USP3: variants seen among roughly 807,000 people sequenced by gnomAD.
USP3 encodes ubiquitin carboxyl-terminal hydrolase 3.
In USP3, 20 loss-of-function variants were observed where a neutral mutation model predicts 72.3. That is an observed-to-expected ratio of 0.28 (90% CI 0.19 to 0.40). USP3 has a LOEUF of 0.40. Among genes scored for constraint, USP3 ranks in the 10% least tolerant of loss-of-function variants. The pLI, the probability that USP3 is intolerant of heterozygous loss-of-function variation, is 1.00. For synonymous variants in USP3, 222 were observed against 225.3 expected, an observed-to-expected ratio of 0.99 and a Z score of 0.13; for missense variants, 479 against 633.9, an observed-to-expected ratio of 0.76 and a Z score of 2.62.
In USP3 at chr15:63,593,136, T is replaced by G. The variant is rs1387150428; in HGVS notation, c.*2310T>G. The G allele has an allele frequency of 6.6e-6, 1 of 152,226 alleles. No homozygotes were observed. The highest frequency in any genetic ancestry group is 1.5e-5 in the Non-Finnish European group (1 of 68,040). The allele number at this position is 152,226 out of a possible 1,614,324, so 9.4% of individuals were successfully genotyped here. On this transcript the variant is annotated 3_prime_UTR_variant, in exon 15 of 15. Transcript: ENST00000380324. The stretch of plus-strand genomic sequence containing the variant: ...CCATCATGTTTAGGTCTTACAACTT[T>G]GAGTCCTAAAAGATAATAGGGAGAT...
intron 3 of USP3, among the ~76,000 whole-genome samples, chr15:63,549,893 C>T (rs549826488): frequency 1.3e-5 from 2 of 152,286 alleles, no homozygotes; most frequent in Admixed American, 1.3e-4. Flanking sequence ...AAAACTCTTC[C>T]TTGACTCAAG....
Position 63,590,658 on chromosome 15 carries a change from C to A in USP3, c.1398-3C>A. On this transcript the variant is annotated splice_polypyrimidine_tract_variant and splice_region_variant and intron_variant, in intron 14 of 14. Transcript: ENST00000380324. The stretch of plus-strand genomic sequence containing the variant: ...TTTTTCCTTTGGTCTTTTGCCTTTA[C>A]AGGGTTGGTTCTGGACATTACACAG... 1 of 1,555,812 alleles carries A rather than the reference C, an allele frequency of 6.4e-7. No homozygotes were observed. The highest frequency in any genetic ancestry group is 8.7e-7 in the Non-Finnish European group (1 of 1,151,194).
At position 63,529,040 on chromosome 15, in the gene USP3, G is replaced by A. The variant is rs757245831; in HGVS notation, c.92-3607G>A. The A allele has an allele frequency of 7.8e-7, 1 of 1,288,986 alleles. No individual in the cohort carries two copies. Among genetic ancestry groups the A allele is most frequent in the South Asian group, 1.2e-5 (1 of 81,018 alleles). The allele number at this position is 1,288,986 out of a possible 1,614,324, so 79.8% of individuals were successfully genotyped here. ...CTTCAAATGTTTATCTGGTGTGACT[G>A]TATTATGCCCTCAGAGAGTACTGTA... On this transcript the variant is annotated intron_variant, in intron 1 of 14. Coordinates refer to ENST00000380324, the MANE Select transcript of USP3 (RefSeq NM_006537.4). This position sits in a 1 kb window ranked among gnomAD's most constrained non-coding sequence, Gnocchi z 4.2.
Position 63,570,898 on chromosome 15 carries a change from A to G in USP3, c.908+319A>G, listed in dbSNP as rs1267687507. 6.6e-6 allele frequency among the ~76,000 whole-genome samples: 1 copy of G among 152,256 alleles called. No homozygotes were observed. Among genetic ancestry groups the G allele is most frequent in the African/African-American group, 2.4e-5 (1 of 41,464 alleles). On this transcript the variant is annotated intron_variant, in intron 9 of 14. Coordinates refer to ENST00000380324, the MANE Select transcript of USP3 (RefSeq NM_006537.4). The surrounding 1 kb of genome is among the most constrained non-coding windows in gnomAD (Gnocchi z 4.4). ...CCAAATATACTGAATGATAGGCAGGAGACTTAATTTTCATATACCAAAATA... is the reference window on the plus strand; with the variant it reads ...CCAAATATACTGAATGATAGGCAGGGGACTTAATTTTCATATACCAAAATA...
chr15:63,513,379 CTTAT>C (rs2065814401), intron 1 of USP3, among the ~76,000 whole-genome samples: 1 of 151,924 alleles, frequency 6.6e-6, no homozygotes, highest in Non-Finnish European at 1.5e-5. Context: ...TTTATTTTTG[CTTAT>C]TTATTTATTT....
At chr15:63,559,170 C>A (rs933197740) in intron 6 of USP3, among the ~76,000 whole-genome samples, 2 of 152,014 alleles carry the variant, frequency 1.3e-5, no homozygotes, top group Admixed American at 1.3e-4. Flanking sequence ...GAACACTAGG[C>A]ATAAATGGGT....
intron 11 of USP3, among the ~76,000 whole-genome samples, chr15:63,585,721 CTA>C (rs1197732625): frequency 1.3e-5 from 2 of 151,218 alleles, no homozygotes; most frequent in African/African-American, 4.9e-5. Context: ...GGATTTTTTC[CTA>C]TGTTATCTTC....
intron 3 of USP3, among the ~76,000 whole-genome samples, chr15:63,549,786 C>T (rs552236575): frequency 6.6e-6 from 1 of 152,282 alleles, no homozygotes; most frequent in East Asian, 1.9e-4. Flanking sequence ...TTCTAAAAAT[C>T]TATTCCTGGT....
rs139235860 is a variant in USP3 at position 63,593,424 on chromosome 15, G to A, written c.*2598G>A. 7.6e-4 allele frequency: 115 copies of A among 152,272 alleles called. No individual in the cohort carries two copies. Among genetic ancestry groups the A allele is most frequent in the African/African-American group, 2.6e-3 (110 of 41,556 alleles). The allele number at this position is 152,272 out of a possible 1,614,324, so 9.4% of individuals were successfully genotyped here. The stretch of plus-strand genomic sequence containing the variant: ...CTTCGATCTTCAGTCTCTCTGAATG[G>A]GCAGCTGTTAAACAGTAAAGGCCTG... On this transcript the variant is annotated 3_prime_UTR_variant, in exon 15 of 15. Coordinates refer to ENST00000380324, the MANE Select transcript of USP3 (RefSeq NM_006537.4).
intron 3 of USP3, among the ~76,000 whole-genome samples, chr15:63,538,238 A>G (rs1163156400): frequency 6.6e-6 from 1 of 152,190 alleles, no homozygotes; most frequent in Non-Finnish European, 1.5e-5. Flanking sequence ...CTAGTAAATT[A>G]TGATGAACAA....
intron 3 of USP3, among the ~76,000 whole-genome samples, chr15:63,538,793 G>T (rs1371087436): frequency 1.3e-5 from 2 of 152,052 alleles, no homozygotes; most frequent in Non-Finnish European, 2.9e-5. Flanking sequence ...TGACCCGCCT[G>T]CCTCGGCCTC....
rs1008671115 is a variant in USP3, at chr15:63,594,156, G to C, written c.*3330G>C. On this transcript the variant is annotated 3_prime_UTR_variant, in exon 15 of 15. Coordinates refer to ENST00000380324, the MANE Select transcript of USP3 (RefSeq NM_006537.4). ...TTAAAGCCAAACCTCTCCTTCATTG[G>C]TTTAGTGTACATAAGTCTATTTAGA... 1.3e-5 allele frequency: 2 copies of C among 152,238 alleles called. No homozygotes were observed. Among genetic ancestry groups the C allele is most frequent in the Non-Finnish European group, 2.9e-5 (2 of 68,092 alleles). The allele number at this position is 152,238 out of a possible 1,614,324, so 9.4% of individuals were successfully genotyped here.
Position 63,574,128 on chromosome 15 carries a change from T to C in USP3, c.991T>C (p.Ser331Pro). ...TAACTGCCTCATATGTGGGACAGAA[T>C]CTAGAAAGTTTGATCCATTCCTAGG... ...EVNCLICGTE[S>P]RKFDPFLDLS... is the part of the protein sequence containing the mutation. Residue 331 changes from serine (S) to proline (P), a missense_variant, in exon 10 of 15, where the codon TCT becomes CCT. Transcript: ENST00000380324. The surrounding 1 kb of genome is among the most constrained non-coding windows in gnomAD (Gnocchi z 4.6). The C allele has an allele frequency of 1.9e-6, 3 of 1,593,056 alleles. No individual in the cohort carries two copies. Among genetic ancestry groups the C allele is most frequent in the Non-Finnish European group, 2.6e-6 (3 of 1,168,788 alleles).
rs60122671 is a variant in USP3 at position 63,545,970 on chromosome 15, C to CAAAAAA, written c.285-7725_285-7720dup. On this transcript the variant is annotated intron_variant, in intron 3 of 14. Coordinates refer to ENST00000380324, the MANE Select transcript of USP3 (RefSeq NM_006537.4). The stretch of plus-strand genomic sequence containing the variant: ...TGGGTGACAGAGCCAGACCTTGTCT[C>CAAAAAA]AAAAAAAAAAAAAAAAAAAAAAAAA... Among the ~76,000 whole-genome samples, 276 of 68,830 alleles carry CAAAAAA rather than the reference C, an allele frequency of 4.0e-3. 23 individuals carry two copies. Among genetic ancestry groups the CAAAAAA allele is most frequent in the African/African-American group, 0.016 (264 of 16,822 alleles). The allele number at this position is 68,830 out of a possible 152,430, so 45.2% of individuals were successfully genotyped here.
chr15:63,553,433 A>G lies in USP3; in HGVS notation c.285-282A>G. 1 of 236,412 alleles carries G rather than the reference A, an allele frequency of 4.2e-6. No homozygotes were observed. The highest frequency in any genetic ancestry group is 8.1e-6 in the Non-Finnish European group (1 of 123,318). 14.6% of individuals were successfully genotyped at this position (236,412 alleles called of 1,614,324 possible). A position where few individuals can be genotyped will look rare whatever the true frequency, so the allele number is the denominator to read the frequency against. ...CATGTATTAGGCACCACTAAAAAGA[A>G]TGTAACACATGTAGCAGCTTATTTC... On this transcript the variant is annotated intron_variant, in intron 3 of 14. Coordinates refer to ENST00000380324, the MANE Select transcript of USP3 (RefSeq NM_006537.4). The surrounding 1 kb of genome is among the most constrained non-coding windows in gnomAD (Gnocchi z 4.2).
At chr15:63,530,498 A>C in intron 1 of USP3, 1 of 341,276 alleles carries the variant, frequency 2.9e-6, no homozygotes, top group Non-Finnish European at 5.8e-6. Flanking sequence ...TTTTTTGTAG[A>C]GATGGAGTTT....
intron 1 of USP3, among the ~76,000 whole-genome samples, chr15:63,526,882 A>G (rs2065990025): frequency 6.6e-6 from 1 of 152,200 alleles, no homozygotes; most frequent in Non-Finnish European, 1.5e-5. Context: ...AACTTTTGCC[A>G]GTCCTTATGT....
intron 1 of USP3, among the ~76,000 whole-genome samples, chr15:63,506,370 GAAA>G (rs35639661): frequency 6.7e-6 from 1 of 149,362 alleles, no homozygotes; most frequent in African/African-American, 2.4e-5. Flanking sequence ...GAAATTTGAA[GAAA>G]AAAAAAAAGA....
chr15:63,534,941 T>C (rs556163465), intron 2 of USP3, among the ~76,000 whole-genome samples: 23 of 151,638 alleles, frequency 1.5e-4, no homozygotes, highest in South Asian at 2.1e-4. Context: ...TATTTATTTA[T>C]TTACTTATTG....
Sources: gnomAD v4.1 joint callset for allele counts (sites outside exome capture counted in the v4.1 genomes callset) on GRCh38, gnomAD v4.1.1 for gene constraint, Gnocchi (gnomAD v3.1) non-coding constraint, MANE v1.5 for transcripts, NCBI Gene and HGNC (gene_info 2026-07-23, HGNC 2026-07-21) for gene names.